TRPC5: variants seen among roughly 807,000 people sequenced by gnomAD.
TRPC5 encodes transient receptor potential cation channel subfamily C member 5.
TRPC5 carries 9 observed loss-of-function variants against 56.5 expected under a neutral mutation model. The observed-to-expected ratio is 0.16, with a 90% CI of 0.10 to 0.28. The LOEUF (loss-of-function observed/expected upper bound fraction) is 0.28, where lower values mean the gene tolerates loss of function less well. Among genes scored for constraint, TRPC5 ranks in the 10% least tolerant of loss-of-function variants. The probability of loss-of-function intolerance (pLI) is 1.00; values close to 1 mark genes in which losing one functional copy is unlikely to be tolerated. For synonymous variants in TRPC5, 282 were observed against 278.5 expected, an observed-to-expected ratio of 1.01 and a Z score of -0.13; for missense variants, 469 against 748.9, an observed-to-expected ratio of 0.63 and a Z score of 4.36.
At chrX:111,989,571 A>C (rs943683477) in intron 1 of TRPC5, among the ~76,000 whole-genome samples, 13 of 112,144 alleles carry the variant, frequency 1.2e-4, no homozygotes, top group African/African-American at 4.2e-4. Flanking sequence ...AACTTTTGAG[A>C]AATTCATCTA....
At chrX:111,915,387 G>A (rs6642968) in intron 2 of TRPC5, among the ~76,000 whole-genome samples, 31,507 of 110,677 alleles carry the variant, frequency 0.28, 6,046 homozygotes, top group African/African-American at 0.7. Flanking sequence ...TTGCCCTCCC[G>A]CCCAGACTGC....
At chrX:111,852,720 G>A (rs1286106712) in intron 4 of TRPC5, among the ~76,000 whole-genome samples, 2 of 111,483 alleles carry the variant, frequency 1.8e-5, no homozygotes, top group Non-Finnish European at 3.8e-5. Flanking sequence ...TTGCAATTTT[G>A]GGTGCCTGAT....
At chrX:111,866,613 A>G (rs186162211) in intron 3 of TRPC5, among the ~76,000 whole-genome samples, 8 of 112,642 alleles carry the variant, frequency 7.1e-5, no homozygotes, top group African/African-American at 3.2e-5. Context: ...GAGGGGCCCA[A>G]TGGCTCTTGG....
At chrX:111,901,819 A>T (rs1215150749) in intron 3 of TRPC5, 5 of 1,033,707 alleles carry the variant, frequency 4.8e-6, no homozygotes, top group Admixed American at 3.6e-5. Flanking sequence ...GCTTTTAGTG[A>T]TATTTTATCT....
At chrX:111,975,068 C>T (rs922670747) in intron 1 of TRPC5, among the ~76,000 whole-genome samples, 5 of 110,734 alleles carry the variant, frequency 4.5e-5, no homozygotes, top group Non-Finnish European at 7.5e-5. Flanking sequence ...CCTGAGAAGG[C>T]CCTAATCACT....
At chrX:111,924,905 G>A (rs987194960) in intron 2 of TRPC5, among the ~76,000 whole-genome samples, 1 of 111,935 alleles carries the variant, frequency 8.9e-6, no homozygotes, top group Non-Finnish European at 1.9e-5. Context: ...AACATTAAAG[G>A]GTCCTTTACT....
chrX:111,820,932 T>A (rs769971046), intron 7 of TRPC5, among the ~76,000 whole-genome samples: 1 of 111,717 alleles, frequency 9.0e-6, no homozygotes, highest in South Asian at 3.8e-4. Flanking sequence ...AATAAGGTAT[T>A]AAGAGAAAAA....
At chrX:111,842,168 C>T (rs910047984) in intron 6 of TRPC5, among the ~76,000 whole-genome samples, 1 of 92,257 alleles carries the variant, frequency 1.1e-5, no homozygotes, top group East Asian at 3.0e-4. Flanking sequence ...GATGGAGTCT[C>T]GCTCTGTTGC....
chrX:112,049,553 G>C (rs1235932352), intron 1 of TRPC5, among the ~76,000 whole-genome samples: 2 of 107,416 alleles, frequency 1.9e-5, no homozygotes, highest in Admixed American at 1.0e-4. Context: ...ATATTTTGAA[G>C]AGACAGGATC....
intron 1 of TRPC5, among the ~76,000 whole-genome samples, chrX:111,985,661 G>T (rs1928193506): frequency 8.9e-6 from 1 of 111,910 alleles, no homozygotes; most frequent in Non-Finnish European, 1.9e-5. Flanking sequence ...TTATGATTCA[G>T]GTTAGACTTT....
At chrX:112,049,279 C>A (rs912319795) in intron 1 of TRPC5, among the ~76,000 whole-genome samples, 1 of 109,653 alleles carries the variant, frequency 9.1e-6, no homozygotes, top group African/African-American at 3.3e-5. Flanking sequence ...TTCTGGAATG[C>A]CTATTCCTGA....
In TRPC5 at chrX:111,776,282, T is replaced by G; in HGVS notation, c.*31A>C. On this transcript the variant is annotated 3_prime_UTR_variant, in exon 11 of 11. Coordinates refer to ENST00000262839, the MANE Select transcript of TRPC5 (RefSeq NM_012471.3). ...GAGCAAGGAAATTACAGATTTCTGT[T>G]GAGTTCCAGAACAGATGATTAGGGC... 2 of 1,108,613 alleles carry G rather than the reference T, an allele frequency of 1.8e-6. No homozygotes were observed. Among genetic ancestry groups the G allele is most frequent in the Non-Finnish European group, 1.2e-6 (1 of 842,018 alleles). 91.4% of individuals were successfully genotyped at this position (1,108,613 alleles called of 1,213,427 possible). A position where few individuals can be genotyped will look rare whatever the true frequency, so the allele number is the denominator to read the frequency against.
intron 3 of TRPC5, among the ~76,000 whole-genome samples, chrX:111,873,612 G>A (rs758316010): frequency 1.8e-5 from 2 of 110,033 alleles, no homozygotes; most frequent in Admixed American, 9.7e-5. Context: ...GTGAAACCCC[G>A]TCTCTACTAA....
At chrX:112,033,750 T>A (rs1275412726) in intron 1 of TRPC5, among the ~76,000 whole-genome samples, 1 of 111,663 alleles carries the variant, frequency 9.0e-6, no homozygotes, top group Non-Finnish European at 1.9e-5. Flanking sequence ...GGATATTTAG[T>A]TATCTCAGCA....
At chrX:111,821,442 A>G (rs1362136697) in intron 7 of TRPC5, among the ~76,000 whole-genome samples, 1 of 111,631 alleles carries the variant, frequency 9.0e-6, no homozygotes. Flanking sequence ...CTGCTGTCAG[A>G]TCTCAAGTAA....
At chrX:111,863,873 C>T (rs764448532) in intron 3 of TRPC5, among the ~76,000 whole-genome samples, 1 of 111,994 alleles carries the variant, frequency 8.9e-6, no homozygotes, top group East Asian at 2.8e-4. Flanking sequence ...AATGATCATG[C>T]ATGGTTTTGT....
At chrX:112,059,057 A>G (rs377201820) in intron 1 of TRPC5, among the ~76,000 whole-genome samples, 1 of 111,506 alleles carries the variant, frequency 9.0e-6, no homozygotes, top group East Asian at 2.8e-4. Context: ...GATTACCAAG[A>G]TACTCTTTAT....
intron 7 of TRPC5, among the ~76,000 whole-genome samples, chrX:111,809,044 G>A (rs1013157909): frequency 9.1e-6 from 1 of 109,398 alleles, no homozygotes; most frequent in Non-Finnish European, 1.9e-5. Context: ...AAGTCTTCTT[G>A]TTTCTTCCCT....
chrX:112,016,504 G>T (rs1929128300), intron 1 of TRPC5, among the ~76,000 whole-genome samples: 1 of 111,188 alleles, frequency 9.0e-6, no homozygotes, highest in African/African-American at 3.3e-5. Flanking sequence ...TCCTGGCCCA[G>T]ACAGGGGTGC....
Sources: gnomAD v4.1 joint callset for allele counts (sites outside exome capture counted in the v4.1 genomes callset) on GRCh38, gnomAD v4.1.1 for gene constraint, MANE v1.5 for transcripts, NCBI Gene and HGNC (gene_info 2026-07-23, HGNC 2026-07-21) for gene names.